Variants in SLC38A1 observed in about 807,000 individuals in gnomAD.
SLC38A1 encodes the protein solute carrier family 38 member 1, also known as sodium-coupled neutral amino acid symporter 1.
Under a neutral mutation model 60.3 loss-of-function variants are expected in SLC38A1, and 18 were observed. The observed-to-expected ratio is 0.30, with a 90% confidence interval of 0.21 to 0.44. SLC38A1 has a LOEUF of 0.44. Among genes scored for constraint, SLC38A1 ranks in the 20% least tolerant of loss-of-function variants. The pLI, the probability that SLC38A1 is intolerant of heterozygous loss-of-function variation, is 1.00. For missense variants in SLC38A1, 448 were observed against 587.2 expected, an observed-to-expected ratio of 0.76 and a Z score of 2.45; for synonymous variants, 196 against 212.1, an observed-to-expected ratio of 0.92 and a Z score of 0.66.
intron 5 of SLC38A1, among the ~76,000 whole-genome samples, chr12:46,228,445 G>C (rs2137893149): frequency 1.3e-5 from 2 of 152,264 alleles, no homozygotes; most frequent in Middle Eastern, 6.8e-3. Context: ...CAAAAGGCAA[G>C]ATCCTCGGAG....
intron 16 of SLC38A1, chr12:46,196,145 T>A: frequency 6.5e-7 from 1 of 1,535,920 alleles, no homozygotes; most frequent in Non-Finnish European, 8.7e-7. Flanking sequence ...GATTACTAAA[T>A]CCAGAATCCA....
At chr12:46,264,617 A>T (rs1488028523) in intron 1 of SLC38A1, among the ~76,000 whole-genome samples, 1 of 152,106 alleles carries the variant, frequency 6.6e-6, no homozygotes, top group Non-Finnish European at 1.5e-5. Context: ...TTTACTTAAA[A>T]TTTTTTTATT....
intron 1 of SLC38A1, among the ~76,000 whole-genome samples, chr12:46,262,163 C>T (rs1156607247): frequency 3.3e-5 from 5 of 152,220 alleles, no homozygotes; most frequent in Admixed American, 6.5e-5. Context: ...AAAACCTGCT[C>T]TTAATCGTTC....
intron 7 of SLC38A1, 43 bp from the exon 8 acceptor site, chr12:46,207,279 CT>C: frequency 6.6e-7 from 1 of 1,508,792 alleles, no homozygotes; most frequent in African/African-American, 1.4e-5. Flanking sequence ...GATACGAAGG[CT>C]TATGTTGCAA....
rs1939802650 is a variant in SLC38A1 at position 46,204,477 on chromosome 12, T to C, written c.705+55A>G. On this transcript the variant is annotated intron_variant, in intron 10 of 16. Coordinates refer to ENST00000398637, the MANE Select transcript of SLC38A1 (RefSeq NM_030674.4). ...CTTTAGTAAAGCCAATGAATAATTA[T>C]TACATGCCATTGTACTATCACAAAA... 5 of 1,592,476 alleles carry C rather than the reference T, an allele frequency of 3.1e-6. No homozygotes were observed. The South Asian group carries it at 5.5e-5, about 18-fold the overall frequency.
chr12:46,196,791 CAGGT>C (rs1303078850), intron 16 of SLC38A1, among the ~76,000 whole-genome samples: 1 of 152,152 alleles, frequency 6.6e-6, no homozygotes, highest in Non-Finnish European at 1.5e-5. Flanking sequence ...AGAAGGGACT[CAGGT>C]AGCAGCCACT....
At chr12:46,207,655 T>C (rs1166578005) in intron 6 of SLC38A1, 34 bp from the exon 7 acceptor site, 2 of 1,579,820 alleles carry the variant, frequency 1.3e-6, no homozygotes, top group Admixed American at 3.3e-5. Flanking sequence ...ACACAAGAAA[T>C]GACAGGGTTC....
At chr12:46,195,844 A>AT in intron 16 of SLC38A1, 1 of 315,112 alleles carries the variant, frequency 3.2e-6, no homozygotes, top group Non-Finnish European at 6.3e-6. Context: ...CCGTTTCTCC[A>AT]GTTACAGTCT....
intron 12 of SLC38A1, 82 bp downstream of exon 12, chr12:46,202,928 G>T: frequency 2.0e-6 from 2 of 1,017,950 alleles, no homozygotes; most frequent in Non-Finnish European, 3.0e-6. Context: ...CATTAGACAA[G>T]TCCGTTTATT....
At chr12:46,242,385 A>C (rs938534296) in intron 2 of SLC38A1, among the ~76,000 whole-genome samples, 1 of 152,208 alleles carries the variant, frequency 6.6e-6, no homozygotes, top group African/African-American at 2.4e-5. Context: ...GGATTGAAAA[A>C]GCTTAAAAAA....
In SLC38A1 at chr12:46,184,292, T is replaced by C. The variant is rs767155013; in HGVS notation, c.*4678A>G. On this transcript the variant is annotated 3_prime_UTR_variant, in exon 17 of 17. Coordinates refer to ENST00000398637, the MANE Select transcript of SLC38A1 (RefSeq NM_030674.4). Reference sequence around the variant, plus strand: ...AATTCACTGTAATTTAGGGGAAGTATGTCCTGTTGCTAAAGGATTCTCAAA... The same window carrying C: ...AATTCACTGTAATTTAGGGGAAGTACGTCCTGTTGCTAAAGGATTCTCAAA... 5 of 152,242 alleles carry C rather than the reference T, an allele frequency of 3.3e-5. No individual in the cohort carries two copies. Among genetic ancestry groups the C allele is most frequent in the Non-Finnish European group, 5.9e-5 (4 of 68,048 alleles). 9.4% of individuals were successfully genotyped at this position (152,242 alleles called of 1,614,324 possible). A position where few individuals can be genotyped will look rare whatever the true frequency, so the allele number is the denominator to read the frequency against.
intron 1 of SLC38A1, among the ~76,000 whole-genome samples, chr12:46,257,975 G>A (rs1942085322): frequency 6.6e-6 from 1 of 152,192 alleles, no homozygotes; most frequent in Non-Finnish European, 1.5e-5. Flanking sequence ...GCTGGTTGCT[G>A]ATTATGATTA....
chr12:46,185,184 A>G lies in SLC38A1; in HGVS notation c.*3786T>C, dbSNP rs902837342. ...CTGAGTCCCTCCCTGAGAGCTTCTG[A>G]CTTCACCATGTCTGGGAGGGGGCTG... On this transcript the variant is annotated 3_prime_UTR_variant, in exon 17 of 17. Transcript: ENST00000398637. The G allele has an allele frequency of 3.3e-5, 5 of 152,222 alleles. No homozygotes were observed. The highest frequency in any genetic ancestry group is 1.2e-4 in the African/African-American group (5 of 41,414). The allele number at this position is 152,222 out of a possible 1,614,324, so 9.4% of individuals were successfully genotyped here.
chr12:46,191,722 G>A (rs1311436078), intron 16 of SLC38A1, among the ~76,000 whole-genome samples: 4 of 149,628 alleles, frequency 2.7e-5, no homozygotes, highest in African/African-American at 7.3e-5. Flanking sequence ...ACTCATGATC[G>A]GCTGTTTGTC....
At chr12:46,261,266 G>A (rs749445611) in intron 1 of SLC38A1, among the ~76,000 whole-genome samples, 1 of 152,214 alleles carries the variant, frequency 6.6e-6, no homozygotes, top group African/African-American at 2.4e-5. Flanking sequence ...TGGGGGCAGG[G>A]AGAGGGACAT....
At chr12:46,266,451 GT>G (rs1241369572) in intron 1 of SLC38A1, among the ~76,000 whole-genome samples, 1 of 151,948 alleles carries the variant, frequency 6.6e-6, no homozygotes. Context: ...AGTACTTGCT[GT>G]TCCTTCTTCC....
chr12:46,245,549 T>C (rs1284503006), intron 1 of SLC38A1, among the ~76,000 whole-genome samples: 2 of 152,192 alleles, frequency 1.3e-5, no homozygotes, highest in South Asian at 2.1e-4. Context: ...GAAAACAGTA[T>C]GGAGGTTCCT....
chr12:46,198,064 C>G lies in SLC38A1; in HGVS notation c.1123-4G>C. On this transcript the variant is annotated splice_region_variant and splice_polypyrimidine_tract_variant and intron_variant, in intron 14 of 16. Coordinates refer to ENST00000398637, the MANE Select transcript of SLC38A1 (RefSeq NM_030674.4). ...GTTCAAATAAAGATGAACGAACCTG[C>G]AAGAAAAGAAAACAAAGATTCTGTA... 6.2e-7 allele frequency: 1 copy of G among 1,612,570 alleles called. No individual in the cohort carries two copies. Among genetic ancestry groups the G allele is most frequent in the South Asian group, 1.1e-5 (1 of 90,966 alleles).
At chr12:46,200,253 C>T (rs1014092886) in intron 13 of SLC38A1, among the ~76,000 whole-genome samples, 2 of 151,972 alleles carry the variant, frequency 1.3e-5, no homozygotes, top group Non-Finnish European at 2.9e-5. Flanking sequence ...ATCAGAGTAG[C>T]CTTTTTCTCC....
Sources: gnomAD v4.1 joint callset for allele counts (sites outside exome capture counted in the v4.1 genomes callset) on GRCh38, gnomAD v4.1.1 for gene constraint, MANE v1.5 for transcripts, NCBI Gene and HGNC (gene_info 2026-07-23, HGNC 2026-07-21) for gene names.